Variants in CSMD1 observed in about 807,000 individuals in gnomAD.
CSMD1 encodes the protein CUB and sushi domain-containing protein 1.
Under a neutral mutation model 417.5 loss-of-function variants are expected in CSMD1, and 213 were observed. The ratio of observed to expected loss-of-function variants is 0.51; its 90% CI spans 0.46 to 0.57. The LOEUF is 0.57. Among genes scored for constraint, CSMD1 ranks in the 20% least tolerant of loss-of-function variants. The probability of loss-of-function intolerance (pLI) is 0.00; values close to 1 mark genes in which losing one functional copy is unlikely to be tolerated. For synonymous variants in CSMD1, 2,862 were observed against 1,736.8 expected (o/e 1.65, Z -16.11); for missense variants, 6,923 against 4,529.7 (o/e 1.53, Z -15.17).
At chr8:3,430,029 G>A (rs1206040105) in intron 12 of CSMD1, among the ~76,000 whole-genome samples, 1 of 151,872 alleles carries the variant, frequency 6.6e-6, no homozygotes. Flanking sequence ...TATAAAAGAG[G>A]ATAAATCAGA....
chr8:3,848,750 T>C (rs778519431), intron 5 of CSMD1, among the ~76,000 whole-genome samples: 1 of 152,124 alleles, frequency 6.6e-6, no homozygotes, highest in Non-Finnish European at 1.5e-5. Context: ...CTGAACTACA[T>C]GTGTCTAATT....
chr8:4,421,804 C>G (rs1314149092), intron 2 of CSMD1, among the ~76,000 whole-genome samples: 2 of 151,208 alleles, frequency 1.3e-5, no homozygotes, highest in East Asian at 1.9e-4. Flanking sequence ...CTAAAGCAAA[C>G]AGAAAGCAAA....
In CSMD1 at chr8:3,551,963, G is replaced by A. The variant is rs558107811; in HGVS notation, c.1344+22982C>T. On this transcript the variant is annotated intron_variant, in intron 10 of 69. Transcript: ENST00000635120. ...GAAAGATGAGGCTGCCACTGTGGGA[G>A]CTGAGGACTGATAGGGATCTCACAG... is the stretch of plus-strand genomic sequence containing the variant. 3.3e-5 allele frequency among the ~76,000 whole-genome samples: 5 copies of A among 152,288 alleles called. No homozygotes were observed. The South Asian group carries it at 1.0e-3, about 32-fold the overall frequency.
At chr8:4,287,646 G>A (rs890936257) in intron 3 of CSMD1, among the ~76,000 whole-genome samples, 41 of 132,508 alleles carry the variant, frequency 3.1e-4, no homozygotes, top group Admixed American at 8.6e-4. Flanking sequence ...CTGCAGTCTC[G>A]TCATAGGTGG....
At chr8:3,632,174 G>C (rs760011534) in intron 7 of CSMD1, among the ~76,000 whole-genome samples, 2 of 152,218 alleles carry the variant, frequency 1.3e-5, no homozygotes, top group Non-Finnish European at 2.9e-5. Flanking sequence ...AAAATTCAAA[G>C]AGCTATAGCA....
At chr8:4,927,223 T>A (rs926941614) in intron 1 of CSMD1, among the ~76,000 whole-genome samples, 1 of 136,384 alleles carries the variant, frequency 7.3e-6, no homozygotes, top group Non-Finnish European at 1.6e-5. Context: ...TTTTGGCTAA[T>A]TTTTTTTTAT....
At chr8:4,351,604 C>T (rs562740255) in intron 3 of CSMD1, among the ~76,000 whole-genome samples, 11 of 152,264 alleles carry the variant, frequency 7.2e-5, no homozygotes, top group Admixed American at 2.6e-4. Flanking sequence ...AAAGAGACTT[C>T]AACTTGTTGT....
chr8:3,844,667 G>A (rs750519285), intron 5 of CSMD1, among the ~76,000 whole-genome samples: 5 of 152,074 alleles, frequency 3.3e-5, no homozygotes, highest in African/African-American at 1.2e-4. Context: ...TTCACTATTT[G>A]AATTCATCAT....
At chr8:3,211,610 T>A (rs548686014) in intron 30 of CSMD1, among the ~76,000 whole-genome samples, 5 of 152,224 alleles carry the variant, frequency 3.3e-5, no homozygotes, top group Non-Finnish European at 5.9e-5. Flanking sequence ...CTAACACTTG[T>A]GACCTAGAGA....
At chr8:4,932,254 GT>G (rs33969489) in intron 1 of CSMD1, among the ~76,000 whole-genome samples, 47,199 of 104,012 alleles carry the variant, frequency 0.45, 8,335 homozygotes, top group Non-Finnish European at 0.51. Context: ...AACTTCTCTG[GT>G]TTTAAAAAAA....
chr8:3,023,689 G>A (rs1809624633), intron 51 of CSMD1, among the ~76,000 whole-genome samples: 1 of 152,088 alleles, frequency 6.6e-6, no homozygotes, highest in Non-Finnish European at 1.5e-5. Flanking sequence ...CAGTTGTCAT[G>A]AATGTGATTA....
At chr8:3,296,343 C>T (rs1049574087) in intron 25 of CSMD1, among the ~76,000 whole-genome samples, 1 of 151,806 alleles carries the variant, frequency 6.6e-6, no homozygotes, top group Admixed American at 6.6e-5. Context: ...GGAGCCAGTG[C>T]AGCAAGAACA....
intron 3 of CSMD1, among the ~76,000 whole-genome samples, chr8:4,185,249 C>T (rs757275204): frequency 4.0e-5 from 6 of 151,892 alleles, no homozygotes; most frequent in Non-Finnish European, 5.9e-5. Context: ...TGAATCCTGG[C>T]CCTACCCCTT....
chr8:4,133,056 C>G (rs1585386846), intron 3 of CSMD1, among the ~76,000 whole-genome samples: 1 of 152,088 alleles, frequency 6.6e-6, no homozygotes, highest in South Asian at 2.1e-4. Flanking sequence ...CTGCCTCAGC[C>G]TCTTGAGTAG....
chr8:3,699,032 G>A (rs911420941), intron 7 of CSMD1, among the ~76,000 whole-genome samples: 3 of 152,246 alleles, frequency 2.0e-5, no homozygotes, highest in Admixed American at 6.5e-5. Flanking sequence ...CCCACCTCAA[G>A]CTCTGGATCT....
chr8:4,164,445 G>A (rs988810136), intron 3 of CSMD1, among the ~76,000 whole-genome samples: 2 of 152,090 alleles, frequency 1.3e-5, no homozygotes, highest in African/African-American at 4.8e-5. Flanking sequence ...CTCTGAAACA[G>A]CCTGGCATGC....
At chr8:3,927,781 C>T (rs554139696) in intron 5 of CSMD1, among the ~76,000 whole-genome samples, 10 of 152,192 alleles carry the variant, frequency 6.6e-5, no homozygotes, top group Non-Finnish European at 1.2e-4. Context: ...AAGAAAAATA[C>T]CAAATCTACC....
chr8:4,668,124 G>T (rs984315151), intron 1 of CSMD1, among the ~76,000 whole-genome samples: 1 of 151,994 alleles, frequency 6.6e-6, no homozygotes, highest in South Asian at 2.1e-4. Context: ...ATATTGCCTC[G>T]TATCAAACTC....
intron 7 of CSMD1, among the ~76,000 whole-genome samples, chr8:3,677,445 G>C (rs1000730089): frequency 3.9e-5 from 6 of 152,198 alleles, no homozygotes; most frequent in Non-Finnish European, 8.8e-5. Context: ...AGTACAGGTT[G>C]TCAGGAAAGT....
Sources: gnomAD v4.1 joint callset for allele counts (sites outside exome capture counted in the v4.1 genomes callset) on GRCh38, gnomAD v4.1.1 for gene constraint, MANE v1.5 for transcripts, NCBI Gene and HGNC (gene_info 2026-07-23, HGNC 2026-07-21) for gene names.